Variants in ANKMY1 observed in about 807,000 individuals in gnomAD.
ANKMY1 encodes ankyrin repeat and MYND domain containing 1, also known as ankyrin repeat and MYND domain-containing protein 1.
ANKMY1 carries 98 observed loss-of-function variants against 102.0 expected under a neutral mutation model. The ratio of observed to expected loss-of-function variants is 0.96; its 90% CI spans 0.82 to 1.14. The LOEUF (loss-of-function observed/expected upper bound fraction) is 1.14, where lower values mean the gene tolerates loss of function less well. ANKMY1 is among the 50% of genes most tolerant of loss of function. The pLI is 0.00. For missense variants in ANKMY1, 1,330 were observed against 1,347.6 expected (o/e 0.99, Z 0.20); for synonymous variants, 582 against 559.9 (o/e 1.04, Z -0.56).
chr2:240,488,152 G>A (rs1034634543), intron 15 of ANKMY1, among the ~76,000 whole-genome samples: 3 of 152,088 alleles, frequency 2.0e-5, no homozygotes, highest in African/African-American at 7.2e-5. Context: ...TTTATATATG[G>A]TGAGAGATAA....
chr2:240,526,189 A>G (rs1305614020), intron 6 of ANKMY1, 40 bp downstream of exon 6: 1 of 1,610,214 alleles, frequency 6.2e-7, no homozygotes. Flanking sequence ...CCTCACAGCT[A>G]AGCTCCTGCG....
At chr2:240,501,836 G>T (rs1190309558) in intron 13 of ANKMY1, among the ~76,000 whole-genome samples, 2 of 152,204 alleles carry the variant, frequency 1.3e-5, no homozygotes, top group African/African-American at 4.8e-5. Context: ...GCCAAGTGAG[G>T]CCAGGCAAGG....
chr2:240,512,309 G>A (rs954000027), intron 10 of ANKMY1, among the ~76,000 whole-genome samples: 8 of 152,284 alleles, frequency 5.3e-5, no homozygotes, highest in African/African-American at 1.7e-4. Context: ...GTGTGCTGGC[G>A]ACTGAAAGCC....
At chr2:240,526,545 G>A in intron 5 of ANKMY1, 100 bp from the exon 6 acceptor site, 1 of 1,539,374 alleles carries the variant, frequency 6.5e-7, no homozygotes, top group Non-Finnish European at 8.7e-7. Flanking sequence ...TCTCCCTCTT[G>A]TGGCTCAGCC....
At chr2:240,502,056 GT>G (rs963125527) in intron 13 of ANKMY1, among the ~76,000 whole-genome samples, 1 of 152,240 alleles carries the variant, frequency 6.6e-6, no homozygotes, top group African/African-American at 2.4e-5. Flanking sequence ...TGGGCAGATG[GT>G]TGGTAAGCGA....
At chr2:240,501,498 G>T (rs1278751026) in intron 13 of ANKMY1, among the ~76,000 whole-genome samples, 3 of 152,158 alleles carry the variant, frequency 2.0e-5, no homozygotes, top group Non-Finnish European at 4.4e-5. Context: ...TGTGTGAGTG[G>T]ATGGAAACCA....
At chr2:240,511,406 G>A (rs747318782) in intron 11 of ANKMY1, among the ~76,000 whole-genome samples, 102 of 152,202 alleles carry the variant, frequency 6.7e-4, no homozygotes, top group Non-Finnish European at 1.1e-3. Context: ...GGGCATCCTC[G>A]GAGTGGTTCC....
intron 5 of ANKMY1, chr2:240,527,139 G>A (rs905064307): frequency 3.4e-6 from 1 of 296,190 alleles, no homozygotes; most frequent in African/African-American, 2.6e-5. Flanking sequence ...TGGGTGGGTG[G>A]ATGAATAGAT....
intron 4 of ANKMY1, among the ~76,000 whole-genome samples, chr2:240,545,789 G>T (rs938389164): frequency 1.3e-5 from 2 of 152,166 alleles, no homozygotes; most frequent in Admixed American, 1.3e-4. Context: ...ATGAAATGAA[G>T]CGAGAAGGGA....
chr2:240,474,148 TGCAGTG>T, the ANKMY1 span, among the ~76,000 whole-genome samples: 1 of 151,736 alleles, frequency 6.6e-6, no homozygotes, highest in African/African-American at 2.4e-5. Flanking sequence ...CAGACTGGAG[TGCAGTG>T]GCGCAATCTT....
intron 15 of ANKMY1, among the ~76,000 whole-genome samples, chr2:240,487,319 T>C (rs2076167211): frequency 6.6e-6 from 1 of 152,258 alleles, no homozygotes; most frequent in South Asian, 2.1e-4. Flanking sequence ...TTAATTATTG[T>C]CTATGTCTGA....
intron 12 of ANKMY1, chr2:240,507,909 T>C (rs112741932): frequency 0.11 from 49,488 of 451,058 alleles, 3,016 homozygotes; most frequent in African/African-American, 0.19. Flanking sequence ...CCATGGCTGG[T>C]CTGTTAGGGA....
At chr2:240,537,786 A>G (rs1451702394) in intron 4 of ANKMY1, among the ~76,000 whole-genome samples, 5 of 152,238 alleles carry the variant, frequency 3.3e-5, no homozygotes, top group Non-Finnish European at 5.9e-5. Flanking sequence ...GTAAACCACA[A>G]CAAGTGGAGG....
In ANKMY1 at chr2:240,494,576, C is replaced by T. The variant is rs181301170; in HGVS notation, c.2806+5382G>A. ...TCCATAATACTCCACAGTCCCAGGG[C>T]CACTGGGTCCCAGGACAGCATGTAG... On this transcript the variant is annotated intron_variant, in intron 15 of 17. Coordinates refer to ENST00000401804, the MANE Select transcript of ANKMY1 (RefSeq NM_001282771.3). 3.9e-5 allele frequency among the ~76,000 whole-genome samples: 6 copies of T among 152,278 alleles called. No homozygotes were observed. The East Asian group carries it at 1.2e-3, about 29-fold the overall frequency.
In ANKMY1 at chr2:240,524,196, CCCGG is replaced by C. The variant is rs2082892557; in HGVS notation, c.1517_1520del (p.Thr506SerfsTer7). ...TGTGGTCTATGGACCCCCCACACTGCCCGGTGTCCTGGAAGTGGCCGCCCTCGTG... is the reference window on the plus strand; with the variant it reads ...TGTGGTCTATGGACCCCCCACACTGCTGTCCTGGAAGTGGCCGCCCTCGTG... On this transcript the variant is annotated frameshift_variant, in exon 8 of 18. Coordinates refer to ENST00000401804, the MANE Select transcript of ANKMY1 (RefSeq NM_001282771.3). LOFTEE classifies it high-confidence loss of function. The C allele has an allele frequency of 6.2e-7, 1 of 1,613,784 alleles. No individual in the cohort carries two copies. Among genetic ancestry groups the C allele is most frequent in the Non-Finnish European group, 8.5e-7 (1 of 1,180,044 alleles).
At chr2:240,547,659 A>G (rs1163671238) in intron 4 of ANKMY1, among the ~76,000 whole-genome samples, 1 of 149,494 alleles carries the variant, frequency 6.7e-6, no homozygotes, top group African/African-American at 2.5e-5. Context: ...AAATAGATGC[A>G]ATAAAAAATG....
chr2:240,519,926 A>C, intron 9 of ANKMY1: 1 of 278,496 alleles, frequency 3.6e-6, no homozygotes. Context: ...TTTCTCAGCT[A>C]AATATTTTGC....
chr2:240,539,815 TGGACCCCTCCTGGCCAAGA>T (rs1450616467), intron 4 of ANKMY1, among the ~76,000 whole-genome samples: 1 of 152,168 alleles, frequency 6.6e-6, no homozygotes, highest in Non-Finnish European at 1.5e-5. Flanking sequence ...ACAGACTGAA[TGGACCCCTCCTGGCCAAGA>T]GGACCCCAGA....
chr2:240,502,156 A>C (rs1037575625), intron 13 of ANKMY1, among the ~76,000 whole-genome samples: 1 of 150,890 alleles, frequency 6.6e-6, no homozygotes, highest in South Asian at 2.1e-4. Flanking sequence ...TTGCTGGGGG[A>C]CTTGCCAGCC....
Sources: allele counts gnomAD v4.1 joint callset (sites outside exome capture counted in the v4.1 genomes callset), GRCh38; gene constraint gnomAD v4.1.1; transcripts MANE v1.5; gene names NCBI Gene and HGNC (gene_info 2026-07-23, HGNC 2026-07-21).